The following TENM2 variants were observed in gnomAD, a reference collection of about 807,000 sequenced individuals.
The protein encoded by TENM2 is teneurin transmembrane protein 2.
TENM2 carries 52 observed loss-of-function variants against 245.2 expected under a neutral mutation model. The observed-to-expected ratio is 0.21, with a 90% CI of 0.17 to 0.27. TENM2 has a LOEUF of 0.27. Ranked by LOEUF, TENM2 falls within the 10% of genes least tolerant of loss-of-function variation. The pLI is 1.00. For missense variants in TENM2, 3,046 were observed against 3,666.8 expected (o/e 0.83, Z 4.37); for synonymous variants, 1,363 against 1,438.9 (o/e 0.95, Z 1.19).
At chr5:166,997,958 A>G in the TENM2 span, among the ~76,000 whole-genome samples, 1 of 152,154 alleles carries the variant, frequency 6.6e-6, no homozygotes. Flanking sequence ...GAGGGAGTTT[A>G]TGTACTCCCT....
chr5:167,379,571 A>G (rs754960716), intron 2 of TENM2, among the ~76,000 whole-genome samples: 8 of 151,872 alleles, frequency 5.3e-5, no homozygotes, highest in African/African-American at 1.2e-4. Context: ...TTCTATTTCT[A>G]CTCCCACTCT....
chr5:167,211,776 A>G, the TENM2 span, among the ~76,000 whole-genome samples: 1 of 152,174 alleles, frequency 6.6e-6, no homozygotes, highest in Non-Finnish European at 1.5e-5. Context: ...TCTTAGTAGT[A>G]ATAATGACAG....
intron 5 of TENM2, among the ~76,000 whole-genome samples, chr5:168,042,698 A>G (rs562307368): frequency 6.6e-6 from 1 of 152,280 alleles, no homozygotes; most frequent in South Asian, 2.1e-4. Context: ...AACTTCAATA[A>G]GAAAATATCA....
At chr5:166,995,817 A>C in the TENM2 span, among the ~76,000 whole-genome samples, 4 of 18,980 alleles carry the variant, frequency 2.1e-4, no homozygotes, top group Admixed American at 6.2e-4. Flanking sequence ...TCCATCTCAA[A>C]AAAAAAAAAA....
intron 2 of TENM2, among the ~76,000 whole-genome samples, chr5:167,576,480 A>T (rs1582433187): frequency 6.6e-6 from 1 of 152,208 alleles, no homozygotes; most frequent in Admixed American, 6.5e-5. Flanking sequence ...ATGATGTTCT[A>T]TAGAAAGCTA....
At chr5:168,054,995 C>A (rs547370262) in intron 6 of TENM2, among the ~76,000 whole-genome samples, 1 of 152,266 alleles carries the variant, frequency 6.6e-6, no homozygotes, top group African/African-American at 2.4e-5. Flanking sequence ...AAAGGTTTGC[C>A]ATGGAAGCCC....
At chr5:167,211,984 C>A in the TENM2 span, among the ~76,000 whole-genome samples, 3 of 152,152 alleles carry the variant, frequency 2.0e-5, no homozygotes, top group Admixed American at 2.0e-4. Flanking sequence ...GAAGTTACAT[C>A]TCTAAAGCCC....
intron 2 of TENM2, among the ~76,000 whole-genome samples, chr5:167,843,104 C>T (rs1326676029): frequency 6.6e-6 from 1 of 152,124 alleles, no homozygotes; most frequent in Non-Finnish European, 1.5e-5. Context: ...CCATTGTGTC[C>T]TCAATGCCCA....
intron 2 of TENM2, among the ~76,000 whole-genome samples, chr5:167,813,571 G>A (rs185918854): frequency 2.5e-4 from 38 of 152,064 alleles, no homozygotes; most frequent in Admixed American, 2.0e-3. Context: ...TCTCTATTCC[G>A]CATACCATGC....
At chr5:168,080,188 TTTC>T (rs1244970160) in intron 7 of TENM2, among the ~76,000 whole-genome samples, 3 of 152,206 alleles carry the variant, frequency 2.0e-5, no homozygotes, top group Non-Finnish European at 2.9e-5. Context: ...AATTTATCCA[TTTC>T]TTCTAGATTT....
At chr5:168,190,769 C>G (rs1760883716) in intron 14 of TENM2, 1 of 445,260 alleles carries the variant, frequency 2.2e-6, no homozygotes. Context: ...CATCTTTAAC[C>G]CAGAACCTGC....
intron 1 of TENM2, among the ~76,000 whole-genome samples, chr5:167,325,884 A>C (rs1259592259): frequency 6.6e-6 from 1 of 152,214 alleles, no homozygotes; most frequent in African/African-American, 2.4e-5. Context: ...TTTTTTAAAA[A>C]GATAATTTCA....
chr5:167,270,688 T>A, the TENM2 span, among the ~76,000 whole-genome samples: 1 of 152,118 alleles, frequency 6.6e-6, no homozygotes, highest in Non-Finnish European at 1.5e-5. Context: ...TTGAAGGAAC[T>A]AGGTTCTTGG....
the TENM2 span, among the ~76,000 whole-genome samples, chr5:167,261,857 A>G: frequency 6.6e-6 from 1 of 152,040 alleles, no homozygotes; most frequent in Non-Finnish European, 1.5e-5. Flanking sequence ...TTCTTCCTTG[A>G]GCAGAAGCCA....
Position 167,499,809 on chromosome 5 carries a change from AGT to A in TENM2, c.502+124352_502+124353del, listed in dbSNP as rs745394290. ...CTGTGTGTGTTAGTGTATGTGAGGGAGTGTGTGTGTGTGTGTGCATGTGTATG... is the reference window on the plus strand; with the variant it reads ...CTGTGTGTGTTAGTGTATGTGAGGGAGTGTGTGTGTGTGTGCATGTGTATG... On this transcript the variant is annotated intron_variant, in intron 2 of 28. Transcript: ENST00000518659. 3.9e-3 allele frequency among the ~76,000 whole-genome samples: 550 copies of A among 142,794 alleles called. 3 individuals carry two copies. Among genetic ancestry groups the A allele is most frequent in the Middle Eastern group, 0.015 (4 of 274 alleles). 93.7% of individuals were successfully genotyped at this position (142,794 alleles called of 152,430 possible). A position where few individuals can be genotyped will look rare whatever the true frequency, so the allele number is the denominator to read the frequency against.
intron 4 of TENM2, among the ~76,000 whole-genome samples, chr5:167,990,217 G>A (rs530111835): frequency 5.9e-5 from 9 of 152,242 alleles, no homozygotes; most frequent in South Asian, 4.1e-4. Flanking sequence ...ATGTTCTAGC[G>A]TTGTTATAAG....
chr5:167,220,809 G>A, the TENM2 span, among the ~76,000 whole-genome samples: 1 of 150,912 alleles, frequency 6.6e-6, no homozygotes, highest in African/African-American at 2.5e-5. Flanking sequence ...TTTATTGAAT[G>A]CCCTCTGTGT....
chr5:167,864,441 A>G (rs1352187099), intron 2 of TENM2, among the ~76,000 whole-genome samples: 1 of 152,200 alleles, frequency 6.6e-6, no homozygotes, highest in Non-Finnish European at 1.5e-5. Context: ...AAGTTTACAG[A>G]ATTGTCTCAT....
At chr5:167,584,278 C>A (rs6882026) in intron 2 of TENM2, among the ~76,000 whole-genome samples, 99,769 of 152,080 alleles carry the variant, frequency 0.66, 33,032 homozygotes, top group Middle Eastern at 0.73. Context: ...AGCACTGGTT[C>A]CAGAATTTTC....
Sources: gnomAD v4.1 joint callset for allele counts (sites outside exome capture counted in the v4.1 genomes callset) on GRCh38, gnomAD v4.1.1 for gene constraint, MANE v1.5 for transcripts, NCBI Gene and HGNC (gene_info 2026-07-23, HGNC 2026-07-21) for gene names.